The following CABP5 variants were observed in gnomAD, a reference collection of about 807,000 sequenced individuals.
CABP5 encodes calcium-binding protein 5.
CABP5 carries 17 observed loss-of-function variants against 21.9 expected under a neutral mutation model. That is an observed-to-expected ratio of 0.78 (90% CI 0.53 to 1.17). CABP5 has a LOEUF of 1.17. Among genes scored for constraint, CABP5 ranks in the 50% most tolerant of loss-of-function variants. CABP5 has a pLI of 0.00. For synonymous variants in CABP5, 85 were observed against 79.4 expected (o/e 1.07, Z -0.37); for missense variants, 229 against 228.9 (o/e 1.00, Z 0.00).
At chr19:48,037,259 C>CTTTTTTTT (rs57230665) in intron 4 of CABP5, among the ~76,000 whole-genome samples, 1,212 of 44,924 alleles carry the variant, frequency 0.027, 360 homozygotes, top group Non-Finnish European at 0.032. Flanking sequence ...TACTATTCAG[C>CTTTTTTTT]TTTTTTTTTT....
At chr19:48,031,489 A>G (rs1164142775) in intron 5 of CABP5, among the ~76,000 whole-genome samples, 3 of 152,128 alleles carry the variant, frequency 2.0e-5, no homozygotes, top group African/African-American at 7.2e-5. Context: ...GCAGTGAGCC[A>G]AGGTTGCACC....
chr19:48,036,334 T>A (rs193168372), intron 4 of CABP5, among the ~76,000 whole-genome samples: 1 of 152,322 alleles, frequency 6.6e-6, no homozygotes, highest in Admixed American at 6.5e-5. Flanking sequence ...CATACTGTCC[T>A]CCAGGTTCAT....
At chr19:48,041,281 C>T (rs1967479005) in intron 2 of CABP5, 2 of 461,664 alleles carry the variant, frequency 4.3e-6, no homozygotes, top group East Asian at 8.7e-5. Flanking sequence ...CACTGGCGTC[C>T]TTCAGATTCC....
intron 5 of CABP5, among the ~76,000 whole-genome samples, chr19:48,030,920 G>A (rs1967332298): frequency 6.6e-6 from 1 of 151,768 alleles, no homozygotes; most frequent in Non-Finnish European, 1.5e-5. Context: ...TTGAGCCCAG[G>A]AGTTCGAGAC....
At position 48,030,327 on chromosome 19, in the gene CABP5, T is replaced by C; in HGVS notation, c.*230A>G. On this transcript the variant is annotated 3_prime_UTR_variant, in exon 6 of 6. Coordinates refer to ENST00000293255, the MANE Select transcript of CABP5 (RefSeq NM_019855.5). ...CAACTGGACCCTCCCACGCTTCCTATTTCCATCCACAGACTCTTCCTTCTT... is the reference window on the plus strand; with the variant it reads ...CAACTGGACCCTCCCACGCTTCCTACTTCCATCCACAGACTCTTCCTTCTT... 1 of 476,070 alleles carries C rather than the reference T, an allele frequency of 2.1e-6. No homozygotes were observed. The allele number at this position is 476,070 out of a possible 1,614,324, so 29.5% of individuals were successfully genotyped here.
chr19:48,031,616 A>C (rs1967340897), intron 5 of CABP5, among the ~76,000 whole-genome samples: 1 of 152,162 alleles, frequency 6.6e-6, no homozygotes, highest in Admixed American at 6.5e-5. Flanking sequence ...GATAAGTGTC[A>C]CTTTACAGAT....
chr19:48,031,931 T>C (rs148354919), intron 5 of CABP5, among the ~76,000 whole-genome samples: 135 of 150,244 alleles, frequency 9.0e-4, no homozygotes, highest in African/African-American at 3.0e-3. Flanking sequence ...ATACAGCATA[T>C]ATGGTTTAGA....
In CABP5 at chr19:48,040,694, C is replaced by T; in HGVS notation, c.149G>A (p.Cys50Tyr). 6.2e-7 allele frequency: 1 copy of T among 1,614,062 alleles called. No individual in the cohort carries two copies. Among genetic ancestry groups the T allele is most frequent in the African/African-American group, 1.3e-5 (1 of 75,034 alleles). ...CCTCATGAGATTCCCCAGATCCTTA[C>T]AAGAGATGAACCCATCTCGGTCCTT... ...FDKDRDGFIS[C>Y]KDLGNLMRTM... The change falls in exon 3 of 6, where the codon TGT (cysteine) becomes TAT (tyrosine). Residue 50 changes from cysteine to tyrosine, a missense_variant. Cys to Tyr is a radical substitution (Grantham distance 194). Coordinates refer to ENST00000293255, the MANE Select transcript of CABP5 (RefSeq NM_019855.5).
intron 4 of CABP5, 109 bp downstream of exon 4, chr19:48,039,099 A>T: frequency 1.3e-6 from 1 of 786,884 alleles, no homozygotes; most frequent in Non-Finnish European, 2.2e-6. Context: ...CTGGAAAAAA[A>T]AAGGTGGGGG....
chr19:48,035,294 CCTT>C (rs1967394650), intron 4 of CABP5, among the ~76,000 whole-genome samples: 1 of 152,122 alleles, frequency 6.6e-6, no homozygotes, highest in African/African-American at 2.4e-5. Context: ...GATAGAGTTT[CCTT>C]CTTTTTAAAA....
At chr19:48,034,809 G>A (rs190282568) in intron 4 of CABP5, among the ~76,000 whole-genome samples, 2 of 152,046 alleles carry the variant, frequency 1.3e-5, no homozygotes, top group East Asian at 3.9e-4. Flanking sequence ...GCCTCCTAAA[G>A]TGCTGAGATT....
chr19:48,030,442 C>CCGCCTGCCCTCCCTCT lies in CABP5; in HGVS notation c.*99_*114dup. The CCGCCTGCCCTCCCTCT allele has an allele frequency of 9.2e-7, 1 of 1,081,852 alleles. No homozygotes were observed. Among genetic ancestry groups the CCGCCTGCCCTCCCTCT allele is most frequent in the Non-Finnish European group, 1.4e-6 (1 of 733,454 alleles). The allele number at this position is 1,081,852 out of a possible 1,614,324, so 67.0% of individuals were successfully genotyped here. A position where few individuals can be genotyped will look rare whatever the true frequency, so the allele number is the denominator to read the frequency against. Reference sequence around the variant, plus strand: ...GCGCCGCATGCCAATGCCCTCCCTCCCGCCTGCCCTCCCTCTCTGCTTTAA... The same window carrying CCGCCTGCCCTCCCTCT: ...GCGCCGCATGCCAATGCCCTCCCTCCCGCCTGCCCTCCCTCTCGCCTGCCCTCCCTCTCTGCTTTAA... On this transcript the variant is annotated 3_prime_UTR_variant, in exon 6 of 6. Coordinates refer to ENST00000293255, the MANE Select transcript of CABP5 (RefSeq NM_019855.5).
intron 4 of CABP5, among the ~76,000 whole-genome samples, 180 bp downstream of exon 4, chr19:48,039,028 G>C (rs1210923840): frequency 6.6e-6 from 1 of 151,992 alleles, no homozygotes; most frequent in African/African-American, 2.4e-5. Flanking sequence ...CAGAGGCATT[G>C]ATCCATTGCA....
intron 4 of CABP5, among the ~76,000 whole-genome samples, chr19:48,038,782 G>T (rs1278325714): frequency 6.6e-6 from 1 of 151,876 alleles, no homozygotes; most frequent in African/African-American, 2.4e-5. Context: ...AGCCGAGATT[G>T]CACCATTGCA....
intron 5 of CABP5, among the ~76,000 whole-genome samples, chr19:48,033,318 T>A (rs1967365331): frequency 6.6e-6 from 1 of 150,830 alleles, no homozygotes; most frequent in African/African-American, 2.4e-5. Context: ...TGCCTTCCTA[T>A]GCCTCACATA....
At chr19:48,032,357 C>T (rs34278501) in intron 5 of CABP5, among the ~76,000 whole-genome samples, 45,579 of 145,104 alleles carry the variant, frequency 0.31, 7,828 homozygotes, top group Non-Finnish European at 0.39. Context: ...TTTCTGGAGA[C>T]GGAGTCTCGC....
At position 48,040,665 on chromosome 19, in the gene CABP5, T is replaced by C. The variant is rs980870425; in HGVS notation, c.178A>G (p.Met60Val). 2.5e-6 allele frequency: 4 copies of C among 1,613,872 alleles called. No individual in the cohort carries two copies. The Admixed American group carries it at 5.0e-5, about 20-fold the overall frequency. The change falls in exon 3 of 6, where the codon ATG (methionine) becomes GTG (valine). Residue 60 changes from methionine (M) to valine (V), a missense_variant. Transcript: ENST00000293255. ...TCCATCTCCGTGGGCATGTAACCCA[T>C]CGTCCTCATGAGATTCCCCAGATCC... ...CKDLGNLMRT[M>V]GYMPTEMELI...
At chr19:48,037,641 T>C (rs1967428477) in intron 4 of CABP5, among the ~76,000 whole-genome samples, 1 of 152,108 alleles carries the variant, frequency 6.6e-6, no homozygotes, top group Non-Finnish European at 1.5e-5. Context: ...ATATTCTCTT[T>C]TATTTGACAC....
chr19:48,043,991 G>A lies in CABP5; in HGVS notation c.-69C>T. 2 of 1,370,770 alleles carry A rather than the reference G, an allele frequency of 1.5e-6. No homozygotes were observed. Among genetic ancestry groups the A allele is most frequent in the Non-Finnish European group, 2.0e-6 (2 of 1,017,480 alleles). The allele number at this position is 1,370,770 out of a possible 1,614,324, so 84.9% of individuals were successfully genotyped here. ...CCCCTCCTCCCTGCTCCCTGTCGGA[G>A]CTCAGCCTCCTTATCTTCTCCAGCA... On this transcript the variant is annotated 5_prime_UTR_variant, in exon 1 of 6. Coordinates refer to ENST00000293255, the MANE Select transcript of CABP5 (RefSeq NM_019855.5).
Sources: allele counts gnomAD v4.1 joint callset (sites outside exome capture counted in the v4.1 genomes callset), GRCh38; gene constraint gnomAD v4.1.1; transcripts MANE v1.5; gene names NCBI Gene and HGNC (gene_info 2026-07-23, HGNC 2026-07-21).